Variants in GPR107 observed in about 807,000 individuals in gnomAD.
GPR107 encodes the protein protein GPR107.
A neutral mutation model predicts 75.5 loss-of-function variants in GPR107; 31 were observed. The ratio of observed to expected loss-of-function variants is 0.41; its 90% CI spans 0.31 to 0.55. The LOEUF is 0.55. Among genes scored for constraint, GPR107 ranks in the 20% least tolerant of loss-of-function variants. The pLI is 0.26. For missense variants in GPR107, 572 were observed against 665.7 expected (o/e 0.86, Z 1.55); for synonymous variants, 267 against 251.3 (o/e 1.06, Z -0.59).
intron 12 of GPR107, among the ~76,000 whole-genome samples, chr9:130,102,063 C>CA (rs1421154508): frequency 2.6e-5 from 4 of 152,126 alleles, no homozygotes; most frequent in Non-Finnish European, 5.9e-5. Flanking sequence ...TGGGACAGGC[C>CA]AGTTGCTCTG....
intron 1 of GPR107, among the ~76,000 whole-genome samples, chr9:130,065,268 G>A (rs1830041505): frequency 6.6e-6 from 1 of 151,254 alleles, no homozygotes; most frequent in African/African-American, 2.4e-5. Flanking sequence ...TGGCCAACAT[G>A]GTGAAACCCC....
intron 14 of GPR107, among the ~76,000 whole-genome samples, chr9:130,109,696 A>C (rs939877196): frequency 2.6e-5 from 4 of 151,436 alleles, no homozygotes; most frequent in African/African-American, 7.3e-5. Context: ...CAGCCTCCCA[A>C]ATAGCTGGGA....
At chr9:130,133,949 T>C (rs1831891788) in intron 17 of GPR107, among the ~76,000 whole-genome samples, 1 of 152,124 alleles carries the variant, frequency 6.6e-6, no homozygotes, top group Non-Finnish European at 1.5e-5. Flanking sequence ...CTGCATGCAC[T>C]CTAGATGGGT....
Position 130,077,376 on chromosome 9 carries a change from T to A in GPR107, c.384T>A (p.Ser128Arg). ...VTLLILDISR[S>R]EVRVKSPPEA... ...TTTTAATCCTAGACATCTCCAGAAG[T>A]GAGTAAGTAATTCTAAAGTTCCTTC... The change falls in exon 4 of 18, where the codon AGT (serine) becomes AGA (arginine). Residue 128 changes from serine to arginine, a missense_variant and splice_region_variant. Ser to Arg is a moderately radical substitution (Grantham distance 110, BLOSUM62 -1). Coordinates refer to ENST00000347136, the MANE Select transcript of GPR107 (RefSeq NM_020960.5). 2.8e-6 allele frequency: 4 copies of A among 1,447,822 alleles called. No individual in the cohort carries two copies. The highest frequency in any genetic ancestry group is 3.9e-6 in the Non-Finnish European group (4 of 1,028,128). The allele number at this position is 1,447,822 out of a possible 1,614,324, so 89.7% of individuals were successfully genotyped here.
Position 130,106,299 on chromosome 9 carries a change from A to G in GPR107, c.1263-1197A>G, listed in dbSNP as rs572874534. Among the ~76,000 whole-genome samples the G allele has an allele frequency of 1.5e-4, 23 of 152,206 alleles. 1 individual carries two copies. The highest frequency in any genetic ancestry group is 4.2e-4 in the South Asian group (2 of 4,808). ...CAGTAAGTACTGGAGAGGTGATTCA[A>G]GATTAATAATATTTTTAGGCTGGGC... On this transcript the variant is annotated intron_variant, in intron 13 of 17. Coordinates refer to ENST00000347136, the MANE Select transcript of GPR107 (RefSeq NM_020960.5).
At chr9:130,110,378 A>G in intron 14 of GPR107, 1 of 1,536,456 alleles carries the variant, frequency 6.5e-7, no homozygotes, top group Non-Finnish European at 8.8e-7. Context: ...AGGTGACAGC[A>G]TGGGACCTCT....
chr9:130,058,136 AT>A (rs1157863964), intron 1 of GPR107, among the ~76,000 whole-genome samples: 1 of 151,578 alleles, frequency 6.6e-6, no homozygotes, highest in East Asian at 1.9e-4. Flanking sequence ...GCTATTTATT[AT>A]TTTTGTTTAT....
chr9:130,095,923 C>T (rs1350023666), intron 9 of GPR107, among the ~76,000 whole-genome samples: 3 of 152,176 alleles, frequency 2.0e-5, no homozygotes, highest in East Asian at 1.9e-4. Flanking sequence ...AAGCTGGAAA[C>T]GACTAAGAGA....
intron 9 of GPR107, among the ~76,000 whole-genome samples, chr9:130,094,342 G>GCCT (rs1564671909): frequency 6.6e-6 from 1 of 152,112 alleles, no homozygotes; most frequent in Non-Finnish European, 1.5e-5. Flanking sequence ...TACTCAGGAG[G>GCCT]CTGAAGCAGG....
intron 7 of GPR107, among the ~76,000 whole-genome samples, chr9:130,089,301 T>C (rs201459141): frequency 6.6e-6 from 1 of 152,328 alleles, no homozygotes; most frequent in South Asian, 2.1e-4. Context: ...GCATGGTGAT[T>C]AGCAGCACGT....
At chr9:130,079,848 G>C (rs1830450778) in intron 5 of GPR107, 79 bp downstream of exon 5, 2 of 876,692 alleles carry the variant, frequency 2.3e-6, no homozygotes, top group Non-Finnish European at 1.7e-6. Flanking sequence ...AAAAGTAAAA[G>C]TAAAACATGA....
chr9:130,100,932 C>T (rs779558492), intron 11 of GPR107, among the ~76,000 whole-genome samples, 174 bp from the exon 12 acceptor site: 7 of 152,206 alleles, frequency 4.6e-5, no homozygotes, highest in Admixed American at 1.3e-4. Context: ...CTGTGGGGTG[C>T]AGAGCTAACT....
rs901213040 is a variant in GPR107, at chr9:130,136,552, C to G, written c.*1431C>G. On this transcript the variant is annotated 3_prime_UTR_variant, in exon 18 of 18. Coordinates refer to ENST00000347136, the MANE Select transcript of GPR107 (RefSeq NM_020960.5). Reference sequence around the variant, plus strand: ...TACCTCCGAGGGTGAGAGTCGTGGTCTCTGGGAGTTGTTTTCTCACCTCTG... The same window carrying G: ...TACCTCCGAGGGTGAGAGTCGTGGTGTCTGGGAGTTGTTTTCTCACCTCTG... The G allele has an allele frequency of 1.3e-5, 2 of 152,160 alleles. No homozygotes were observed. The highest frequency in any genetic ancestry group is 4.8e-5 in the African/African-American group (2 of 41,446). 9.4% of individuals were successfully genotyped at this position (152,160 alleles called of 1,614,324 possible). A position where few individuals can be genotyped will look rare whatever the true frequency, so the allele number is the denominator to read the frequency against.
intron 4 of GPR107, among the ~76,000 whole-genome samples, chr9:130,078,118 T>G (rs530985627): frequency 2.7e-5 from 4 of 150,330 alleles, no homozygotes; most frequent in Non-Finnish European, 5.9e-5. Flanking sequence ...TGAGCCGAGA[T>G]CGCGCCACTG....
At chr9:130,121,603 C>T (rs1344325960) in intron 14 of GPR107, among the ~76,000 whole-genome samples, 1 of 152,238 alleles carries the variant, frequency 6.6e-6, no homozygotes, top group African/African-American at 2.4e-5. Flanking sequence ...GCAGCTCTCT[C>T]ACCTCTGAGC....
chr9:130,126,159 AAAGTT>A (rs1298671344), intron 15 of GPR107, among the ~76,000 whole-genome samples: 1 of 152,142 alleles, frequency 6.6e-6, no homozygotes, highest in East Asian at 1.9e-4. Context: ...TAAGAACAGA[AAAGTT>A]AAGACAGTTT....
At position 130,120,888 on chromosome 9, in the gene GPR107, C is replaced by CTT. The variant is rs1831530969; in HGVS notation, c.1307-4027_1307-4026insTT. ...CTCCTTGTTCTGCTCTTTCCCTTCT[C>CTT]ACTGCTGCAGTTGACTAGTTTAAAA... On this transcript the variant is annotated intron_variant, in intron 14 of 17. Transcript: ENST00000347136. 5 of 105,672 alleles carry CTT rather than the reference C, an allele frequency of 4.7e-5. No individual in the cohort carries two copies. The Admixed American group carries it at 4.9e-4, about 10-fold the overall frequency. 6.5% of individuals were successfully genotyped at this position (105,672 alleles called of 1,614,324 possible). A position where few individuals can be genotyped will look rare whatever the true frequency, so the allele number is the denominator to read the frequency against.
At chr9:130,110,190 G>T (rs536114254) in intron 14 of GPR107, among the ~76,000 whole-genome samples, 1 of 152,298 alleles carries the variant, frequency 6.6e-6, no homozygotes, top group Admixed American at 6.5e-5. Context: ...TCCACCTGAG[G>T]TTGGTTGGTA....
rs1387542575 is a variant in GPR107, at chr9:130,127,520, T to C, written c.1394T>C (p.Phe465Ser). ...ATATACTTCACTAGGATCATTGCAT[T>C]TCTCCTCAAACTCGCTGTTCCATTC... is the stretch of plus-strand genomic sequence containing the variant. The part of the protein sequence containing the change: ...CYIYFTRIIA[F>S]LLKLAVPFQW... Residue 465 changes from phenylalanine (F) to serine (S), a missense_variant, in exon 16 of 18, where the codon TTT (phenylalanine) becomes TCT (serine). By Grantham distance (155) the Phe-to-Ser change is radical. Transcript: ENST00000347136. 1.2e-6 allele frequency: 2 copies of C among 1,604,070 alleles called. No individual in the cohort carries two copies. The highest frequency in any genetic ancestry group is 1.7e-6 in the Non-Finnish European group (2 of 1,170,800).
Sources: gnomAD v4.1 joint callset for allele counts (sites outside exome capture counted in the v4.1 genomes callset) on GRCh38, gnomAD v4.1.1 for gene constraint, MANE v1.5 for transcripts, NCBI Gene and HGNC (gene_info 2026-07-23, HGNC 2026-07-21) for gene names.